Variants in RAP1A observed in about 807,000 individuals in gnomAD.
The protein encoded by RAP1A is RAP1A, member of RAS oncogene family.
In RAP1A, 6 loss-of-function variants were observed where a neutral mutation model predicts 26.4. That is an observed-to-expected ratio of 0.23 (90% CI 0.12 to 0.45). The LOEUF is 0.45. RAP1A is among the 20% of genes least tolerant of loss of function. The probability of loss-of-function intolerance (pLI) is 0.99; values close to 1 mark genes in which losing one functional copy is unlikely to be tolerated. For synonymous variants in RAP1A, 73 were observed against 79.4 expected (o/e 0.92, Z 0.43); for missense variants, 121 against 217.2 (o/e 0.56, Z 2.78).
At chr1:111,553,665 G>C (rs1447481628) in intron 1 of RAP1A, among the ~76,000 whole-genome samples, 9 of 152,164 alleles carry the variant, frequency 5.9e-5, no homozygotes, top group African/African-American at 2.2e-4. Flanking sequence ...TCTTGAAGAA[G>C]ACTTTCTGCT....
chr1:111,630,365 A>G (rs1401852576), intron 1 of RAP1A, among the ~76,000 whole-genome samples: 1 of 152,200 alleles, frequency 6.6e-6, no homozygotes, highest in Non-Finnish European at 1.5e-5. Flanking sequence ...CAGTTTGGTT[A>G]GTCGTCCAAC....
At chr1:111,703,228 A>G (rs1313861860) in intron 4 of RAP1A, 108 bp from the exon 5 acceptor site, 2 of 728,032 alleles carry the variant, frequency 2.7e-6, no homozygotes, top group African/African-American at 3.6e-5. Flanking sequence ...CTGTCAGGAT[A>G]GCAAGTAATA....
At chr1:111,704,123 A>T (rs915112271) in intron 5 of RAP1A, among the ~76,000 whole-genome samples, 1 of 149,986 alleles carries the variant, frequency 6.7e-6, no homozygotes, top group African/African-American at 2.5e-5. Context: ...ATAATTTGGC[A>T]TATCTATGTA....
intron 1 of RAP1A, among the ~76,000 whole-genome samples, chr1:111,664,373 C>CAAAA (rs57610280): frequency 2.7e-4 from 24 of 89,830 alleles, no homozygotes; most frequent in Middle Eastern, 8.3e-3. Context: ...GACTCCGTCT[C>CAAAA]AAAAAAAAAA....
chr1:111,620,838 C>CGA (rs1293382894), intron 1 of RAP1A, among the ~76,000 whole-genome samples: 1 of 152,010 alleles, frequency 6.6e-6, no homozygotes, highest in Non-Finnish European at 1.5e-5. Context: ...TGTCTTCAGC[C>CGA]GAGTTGTGTA....
At chr1:111,551,981 G>A (rs1414935333) in intron 1 of RAP1A, among the ~76,000 whole-genome samples, 1 of 152,206 alleles carries the variant, frequency 6.6e-6, no homozygotes, top group Non-Finnish European at 1.5e-5. Context: ...AGAAATGTAA[G>A]AGCTTTTCAA....
chr1:111,675,438 C>T (rs768136491), intron 1 of RAP1A, among the ~76,000 whole-genome samples: 2 of 152,072 alleles, frequency 1.3e-5, no homozygotes, highest in Non-Finnish European at 2.9e-5. Context: ...CGCCACTGCA[C>T]TCCAGCCTGG....
intron 1 of RAP1A, among the ~76,000 whole-genome samples, chr1:111,653,219 A>G (rs959019590): frequency 2.0e-5 from 3 of 152,216 alleles, no homozygotes; most frequent in African/African-American, 7.2e-5. Context: ...CTTTAGAGAC[A>G]GTAAGTAGAT....
intron 1 of RAP1A, among the ~76,000 whole-genome samples, chr1:111,689,531 TTA>T (rs1661603264): frequency 9.4e-3 from 3 of 320 alleles, no homozygotes; most frequent in Admixed American, 0.045. Flanking sequence ...TTGGTTCTTA[TTA>T]TATGTGTGCC....
At chr1:111,548,951 A>G (rs1410606051) in intron 1 of RAP1A, among the ~76,000 whole-genome samples, 1 of 152,224 alleles carries the variant, frequency 6.6e-6, no homozygotes, top group Non-Finnish European at 1.5e-5. Flanking sequence ...CAGACATGTT[A>G]TAAGTTAGTA....
chr1:111,681,511 C>T (rs1385610399), intron 1 of RAP1A, among the ~76,000 whole-genome samples: 2 of 152,100 alleles, frequency 1.3e-5, no homozygotes, highest in South Asian at 2.1e-4. Flanking sequence ...CATAAATGAC[C>T]TGATGGAGCT....
chr1:111,710,213 C>T (rs76201437), intron 7 of RAP1A, among the ~76,000 whole-genome samples: 1,835 of 152,222 alleles, frequency 0.012, 45 homozygotes, highest in African/African-American at 0.042. Context: ...GTAGTTATTT[C>T]CCTCTCTGGT....
Position 111,649,342 on chromosome 1 carries a change from A to T in RAP1A, c.-28+29408A>T, listed in dbSNP as rs1213124322. The T allele has an allele frequency of 2.3e-5, 9 of 397,012 alleles. No homozygotes were observed. The East Asian group carries it at 5.0e-4, about 22-fold the overall frequency. 24.6% of individuals were successfully genotyped at this position (397,012 alleles called of 1,614,324 possible). On this transcript the variant is annotated intron_variant, in intron 1 of 7. Transcript: ENST00000369709. ...GCGTTGCATGGTCTCCTCATTCTGG[A>T]TGCCTCCCATTCCTGCCAGCCCCTC...
chr1:111,689,818 C>T (rs954277780), intron 1 of RAP1A, among the ~76,000 whole-genome samples: 16 of 152,150 alleles, frequency 1.1e-4, no homozygotes, highest in African/African-American at 2.2e-4. Context: ...CACAGGCACC[C>T]GCCACCCGCC....
At chr1:111,703,601 G>A (rs747163057) in intron 5 of RAP1A, 125 bp downstream of exon 5, 91 of 924,706 alleles carry the variant, frequency 9.8e-5, no homozygotes, top group Non-Finnish European at 1.4e-4. Context: ...GAGCCCCTGT[G>A]ACCAAAAGAA....
At chr1:111,556,129 C>T (rs1354113651) in intron 1 of RAP1A, among the ~76,000 whole-genome samples, 1 of 152,024 alleles carries the variant, frequency 6.6e-6, no homozygotes, top group African/African-American at 2.4e-5. Flanking sequence ...AACGTTTCTC[C>T]AAAGAGATAT....
chr1:111,697,552 A>C, intron 4 of RAP1A, 55 bp downstream of exon 4: 1 of 1,602,664 alleles, frequency 6.2e-7, no homozygotes, highest in Non-Finnish European at 8.5e-7. Context: ...AGGTTTTGTC[A>C]TCTGAGTAGG....
rs183569340 is a variant in RAP1A, at chr1:111,635,173, G to A, written c.-28+15239G>A. ...TAAGTTGCCATTTTCTGGGCATGGG[G>A]ATGGGAGAAATAGGAAAGATTTTGT... On this transcript the variant is annotated intron_variant, in intron 1 of 7. Coordinates refer to ENST00000369709, the MANE Select transcript of RAP1A (RefSeq NM_002884.4). 3.2e-4 allele frequency among the ~76,000 whole-genome samples: 49 copies of A among 152,302 alleles called. 1 individual carries two copies. The highest frequency in any genetic ancestry group is 3.1e-3 in the Admixed American group (47 of 15,306).
At chr1:111,627,991 G>A (rs1659452002) in intron 1 of RAP1A, among the ~76,000 whole-genome samples, 1 of 151,892 alleles carries the variant, frequency 6.6e-6, no homozygotes, top group South Asian at 2.1e-4. Context: ...GGGCAGCCTG[G>A]GTTTGTGTCC....
Sources: gnomAD v4.1 joint callset for allele counts (sites outside exome capture counted in the v4.1 genomes callset) on GRCh38, gnomAD v4.1.1 for gene constraint, MANE v1.5 for transcripts, NCBI Gene and HGNC (gene_info 2026-07-23, HGNC 2026-07-21) for gene names.